The following SUPT3H variants were observed in gnomAD, a reference collection of about 807,000 sequenced individuals.
The protein encoded by SUPT3H is transcription initiation protein SPT3 homolog.
A neutral mutation model predicts 44.3 loss-of-function variants in SUPT3H; 44 were observed. That is an observed-to-expected ratio of 0.99 (90% CI 0.78 to 1.28). SUPT3H has a LOEUF of 1.28. Among genes scored for constraint, SUPT3H ranks in the 50% most tolerant of loss-of-function variants. SUPT3H has a pLI of 0.00. For missense variants in SUPT3H, 380 were observed against 387.1 expected (o/e 0.98, Z 0.15); for synonymous variants, 124 against 125.6 (o/e 0.99, Z 0.09).
At chr6:45,140,796 G>A (rs1805049615) in intron 2 of SUPT3H, among the ~76,000 whole-genome samples, 2 of 152,120 alleles carry the variant, frequency 1.3e-5, no homozygotes, top group East Asian at 1.9e-4. Flanking sequence ...AGACCCAGAA[G>A]AGCAGTAACA....
chr6:44,833,119 T>C (rs942809166), intron 10 of SUPT3H, among the ~76,000 whole-genome samples: 2 of 152,148 alleles, frequency 1.3e-5, no homozygotes, highest in African/African-American at 2.4e-5. Context: ...CAGTCTTTCT[T>C]CCAGTACAGA....
chr6:45,250,436 G>C (rs1022845374), intron 2 of SUPT3H, among the ~76,000 whole-genome samples: 2 of 151,336 alleles, frequency 1.3e-5, no homozygotes, highest in African/African-American at 4.8e-5. Flanking sequence ...ATTTTGACTA[G>C]AAGAATAAAA....
Position 44,954,537 on chromosome 6 carries a change from T to A in SUPT3H, c.651A>T (p.Ala217=). The A allele has an allele frequency of 6.2e-7, 1 of 1,614,160 alleles. No individual in the cohort carries two copies. Among genetic ancestry groups the A allele is most frequent in the Non-Finnish European group, 8.5e-7 (1 of 1,180,024 alleles). Residue 217 remains alanine (A), a synonymous_variant, in exon 8 of 11, where the codon GCA becomes GCT. Coordinates refer to ENST00000371459, the MANE Select transcript of SUPT3H (RefSeq NM_003599.4). ...SSMEIKPNVV[A]MEILAYLAYE... ...ACGCTAAATATGCTAAGATTTCCATTGCGACAACATTGGGTTTTATCTCCA... is the reference window on the plus strand; with the variant it reads ...ACGCTAAATATGCTAAGATTTCCATAGCGACAACATTGGGTTTTATCTCCA...
chr6:45,325,886 T>A (rs778969815), intron 2 of SUPT3H, among the ~76,000 whole-genome samples: 2 of 151,868 alleles, frequency 1.3e-5, no homozygotes, highest in Non-Finnish European at 2.9e-5. Flanking sequence ...AGAGGATATA[T>A]TTTCGTTTTA....
intron 2 of SUPT3H, among the ~76,000 whole-genome samples, chr6:45,226,949 A>T (rs1281268353): frequency 6.6e-6 from 1 of 151,940 alleles, no homozygotes; most frequent in African/African-American, 2.4e-5. Context: ...GTGAGCTACG[A>T]TCATGCCACT....
chr6:44,952,543 C>T (rs939040950), intron 9 of SUPT3H, among the ~76,000 whole-genome samples: 3 of 152,244 alleles, frequency 2.0e-5, no homozygotes, highest in Non-Finnish European at 4.4e-5. Flanking sequence ...TACTTCACAA[C>T]TCTACATGTA....
chr6:45,248,632 T>C (rs1392019333), intron 2 of SUPT3H, among the ~76,000 whole-genome samples: 2 of 152,116 alleles, frequency 1.3e-5, no homozygotes, highest in Non-Finnish European at 2.9e-5. Context: ...AGAACTCTCA[T>C]ACATTGGTCA....
intron 2 of SUPT3H, among the ~76,000 whole-genome samples, chr6:45,360,235 G>A (rs988387981): frequency 3.9e-5 from 6 of 152,138 alleles, no homozygotes; most frequent in East Asian, 3.9e-4. Context: ...CTATTCTTTC[G>A]TCTATAAAAG....
chr6:45,100,960 G>A (rs377676371), intron 3 of SUPT3H, among the ~76,000 whole-genome samples: 8 of 152,066 alleles, frequency 5.3e-5, no homozygotes, highest in Non-Finnish European at 7.3e-5. Flanking sequence ...ATCAACAGAC[G>A]AATGGATATC....
intron 2 of SUPT3H, among the ~76,000 whole-genome samples, chr6:45,346,013 C>T (rs897680646): frequency 6.6e-6 from 1 of 152,148 alleles, no homozygotes; most frequent in Non-Finnish European, 1.5e-5. Context: ...CAAATCTCTA[C>T]AGGGCTAAAT....
At chr6:45,372,849 G>A (rs1796276433) in intron 1 of SUPT3H, among the ~76,000 whole-genome samples, 1 of 151,826 alleles carries the variant, frequency 6.6e-6, no homozygotes, top group Admixed American at 6.6e-5. Context: ...ATGGAGTTTT[G>A]CTCTGTCACC....
chr6:45,104,342 T>C (rs1421073484), intron 3 of SUPT3H, among the ~76,000 whole-genome samples: 3 of 151,948 alleles, frequency 2.0e-5, no homozygotes, highest in Admixed American at 6.6e-5. Flanking sequence ...CAGGAGGACA[T>C]GTAAAGAAGG....
intron 3 of SUPT3H, among the ~76,000 whole-genome samples, chr6:45,030,946 A>G (rs1466109763): frequency 1.3e-5 from 2 of 152,164 alleles, no homozygotes; most frequent in Non-Finnish European, 2.9e-5. Context: ...TACATCCCGA[A>G]GAGTGTTCCA....
intron 3 of SUPT3H, among the ~76,000 whole-genome samples, chr6:45,077,010 T>C (rs1201355339): frequency 6.6e-6 from 1 of 152,186 alleles, no homozygotes; most frequent in African/African-American, 2.4e-5. Flanking sequence ...CAAAATGTTC[T>C]ATTCACTTTT....
intron 10 of SUPT3H, among the ~76,000 whole-genome samples, chr6:44,920,942 A>T (rs778861985): frequency 3.9e-5 from 6 of 152,186 alleles, no homozygotes; most frequent in Non-Finnish European, 7.3e-5. Context: ...TATAAAGTCA[A>T]ATATTAAACA....
rs866786636 is a variant in SUPT3H at position 45,181,609 on chromosome 6, C to T, written c.102-75603G>A. Among the ~76,000 whole-genome samples, 1,361 of 150,882 alleles carry T rather than the reference C, an allele frequency of 9.0e-3. 14 individuals are homozygous for T. The highest frequency in any genetic ancestry group is 0.027 in the South Asian group (131 of 4,764). The stretch of plus-strand genomic sequence containing the variant: ...GAAATCATCATTCTCAGTAAACCAT[C>T]GCAAGGACAAAAAACCAAACACCGC... On this transcript the variant is annotated intron_variant, in intron 2 of 10. Coordinates refer to ENST00000371459, the MANE Select transcript of SUPT3H (RefSeq NM_003599.4).
chr6:45,101,262 C>A (rs1430936645), intron 3 of SUPT3H, among the ~76,000 whole-genome samples: 1 of 152,148 alleles, frequency 6.6e-6, no homozygotes, highest in Admixed American at 6.5e-5. Flanking sequence ...CCCATCTTTA[C>A]TAAAAATACA....
At position 45,296,738 on chromosome 6, in the gene SUPT3H, C is replaced by CAAAAAAAAAA. The variant is rs60921436; in HGVS notation, c.101+68453_101+68462dup. On this transcript the variant is annotated intron_variant, in intron 2 of 10. Coordinates refer to ENST00000371459, the MANE Select transcript of SUPT3H (RefSeq NM_003599.4). ...TGGCCAACAGAGTAAGACTCTGTCT[C>CAAAAAAAAAA]AAAAAAAAAAAAAAAAAAAAAAAAA... Among the ~76,000 whole-genome samples the CAAAAAAAAAA allele has an allele frequency of 1.9e-3, 56 of 29,700 alleles. 5 individuals carry two copies. Among genetic ancestry groups the CAAAAAAAAAA allele is most frequent in the Admixed American group, 5.8e-3 (8 of 1,390 alleles). 19.5% of individuals were successfully genotyped at this position (29,700 alleles called of 152,430 possible).
At chr6:44,949,949 A>C (rs1486820112) in intron 9 of SUPT3H, among the ~76,000 whole-genome samples, 1 of 152,188 alleles carries the variant, frequency 6.6e-6, no homozygotes, top group African/African-American at 2.4e-5. Context: ...ACCTAAGAAA[A>C]ACAAAAGCAT....
Sources: gnomAD v4.1 joint callset for allele counts (sites outside exome capture counted in the v4.1 genomes callset) on GRCh38, gnomAD v4.1.1 for gene constraint, MANE v1.5 for transcripts, NCBI Gene and HGNC (gene_info 2026-07-23, HGNC 2026-07-21) for gene names.